The following RBFOX1 variants were observed in gnomAD, a reference collection of about 807,000 sequenced individuals.
RBFOX1 encodes RNA binding fox-1 homolog 1.
RBFOX1 carries 8 observed loss-of-function variants against 57.7 expected under a neutral mutation model. The ratio of observed to expected loss-of-function variants is 0.14; its 90% confidence interval spans 0.08 to 0.25. The LOEUF is 0.25. Ranked by LOEUF, RBFOX1 falls within the 10% of genes least tolerant of loss-of-function variation. The probability of loss-of-function intolerance (pLI) is 1.00; values close to 1 mark genes in which losing one functional copy is unlikely to be tolerated. For missense variants in RBFOX1, 611 were observed against 548.5 expected (o/e 1.11, Z -1.14); for synonymous variants, 326 against 222.4 (o/e 1.47, Z -4.15).
intron 2 of RBFOX1, among the ~76,000 whole-genome samples, chr16:6,514,781 A>G (rs2096338359): frequency 6.6e-6 from 1 of 151,984 alleles, no homozygotes; most frequent in Non-Finnish European, 1.5e-5. Flanking sequence ...GGAGGAGAAA[A>G]AAGTGATGGA....
intron 3 of RBFOX1, among the ~76,000 whole-genome samples, chr16:6,908,253 G>T (rs1471801466): frequency 6.6e-6 from 1 of 151,626 alleles, no homozygotes; most frequent in Non-Finnish European, 1.5e-5. Flanking sequence ...CTCTCCTCCA[G>T]CCTTTCGGGT....
At chr16:6,927,142 GGTCCCCACCCTCA>G in intron 3 of RBFOX1, among the ~76,000 whole-genome samples, 1 of 151,840 alleles carries the variant, frequency 6.6e-6, no homozygotes, top group South Asian at 2.1e-4. Flanking sequence ...AGACTTAGAG[GGTCCCCACCCTCA>G]GAAGTTCTGA....
chr16:7,544,849 C>G (rs2083976617), intron 5 of RBFOX1, among the ~76,000 whole-genome samples: 1 of 151,884 alleles, frequency 6.6e-6, no homozygotes, highest in Non-Finnish European at 1.5e-5. Context: ...TAGTAATTTT[C>G]TTTGTTTGCT....
rs532776194 is a variant in RBFOX1 at position 7,008,573 on chromosome 16, A to G, written c.-15-43484A>G. ...AGTAGAATTCAGTGAACAAGAGTAAATAATTCAAGAAATTCAAGGTTGATA... is the reference window on the plus strand; with the variant it reads ...AGTAGAATTCAGTGAACAAGAGTAAGTAATTCAAGAAATTCAAGGTTGATA... On this transcript the variant is annotated intron_variant, in intron 3 of 15. Transcript: ENST00000550418. Among the ~76,000 whole-genome samples the G allele has an allele frequency of 5.3e-5, 8 of 151,926 alleles. No homozygotes were observed. The East Asian group carries it at 1.4e-3, about 26-fold the overall frequency.
At chr16:6,569,399 C>T (rs2097312887) in intron 2 of RBFOX1, among the ~76,000 whole-genome samples, 1 of 152,114 alleles carries the variant, frequency 6.6e-6, no homozygotes, top group Non-Finnish European at 1.5e-5. Context: ...AGAATGTTTG[C>T]CAGACTAAGG....
intron 1 of RBFOX1, among the ~76,000 whole-genome samples, chr16:5,434,345 A>T (rs187312372): frequency 6.1e-5 from 2 of 32,882 alleles, no homozygotes; most frequent in African/African-American, 1.2e-4. Context: ...TTTTTGAGGC[A>T]GGGTCTTACT....
chr16:6,945,738 C>A (rs902178891), intron 3 of RBFOX1, among the ~76,000 whole-genome samples: 1 of 152,052 alleles, frequency 6.6e-6, no homozygotes, highest in African/African-American at 2.4e-5. Flanking sequence ...TAAAAATATA[C>A]AAATTAGCTG....
rs184758804 is a variant in RBFOX1, at chr16:5,509,692, G to C, written c.258+42438G>C. ...TTGGAGCGGCAAGAGCGGGTGCCAG[G>C]AGAGCTGATGGAGGAGGGAGAGCTT... On this transcript the variant is annotated intron_variant, in intron 2 of 2. Transcript: ENST00000585867. Among the ~76,000 whole-genome samples the C allele has an allele frequency of 7.9e-5, 12 of 152,322 alleles. No homozygotes were observed. The East Asian group carries it at 2.1e-3, about 27-fold the overall frequency.
At chr16:6,764,046 C>T (rs1157361638) in intron 3 of RBFOX1, among the ~76,000 whole-genome samples, 1 of 152,168 alleles carries the variant, frequency 6.6e-6, no homozygotes, top group African/African-American at 2.4e-5. Flanking sequence ...GGATGATAAA[C>T]TGTACTTGGG....
intron 1 of RBFOX1, among the ~76,000 whole-genome samples, chr16:5,415,527 T>C (rs572259223): frequency 2.1e-4 from 32 of 152,326 alleles, no homozygotes; most frequent in African/African-American, 6.3e-4. Flanking sequence ...CTCCAGGACC[T>C]GCTCTCCTCA....
intron 3 of RBFOX1, among the ~76,000 whole-genome samples, chr16:7,033,239 G>T (rs1047836083): frequency 2.0e-5 from 3 of 152,194 alleles, no homozygotes; most frequent in Non-Finnish European, 2.9e-5. Flanking sequence ...CCAAAAACAG[G>T]ACGGGCACAG....
At chr16:6,815,579 C>G (rs1020348832) in intron 3 of RBFOX1, among the ~76,000 whole-genome samples, 1 of 152,134 alleles carries the variant, frequency 6.6e-6, no homozygotes, top group African/African-American at 2.4e-5. Flanking sequence ...TCATTTAATC[C>G]TCCCGTCATT....
chr16:5,820,926 GT>G (rs1555536251), intron 3 of RBFOX1, among the ~76,000 whole-genome samples: 4 of 152,124 alleles, frequency 2.6e-5, no homozygotes, highest in Non-Finnish European at 5.9e-5. Flanking sequence ...AATGCCACAC[GT>G]TTAAGGGGAT....
intron 1 of RBFOX1, among the ~76,000 whole-genome samples, chr16:5,457,018 G>A (rs1173195808): frequency 6.6e-6 from 1 of 152,198 alleles, no homozygotes; most frequent in East Asian, 1.9e-4. Flanking sequence ...CTAAAGGCTG[G>A]GAATTCCAAG....
intron 2 of RBFOX1, among the ~76,000 whole-genome samples, chr16:6,384,730 G>A (rs1299508348): frequency 2.6e-5 from 4 of 152,224 alleles, no homozygotes; most frequent in Non-Finnish European, 4.4e-5. Flanking sequence ...CTCAGAGTGT[G>A]TGTGGATGTG....
chr16:7,562,902 G>A (rs778852363), intron 5 of RBFOX1, among the ~76,000 whole-genome samples: 1 of 152,194 alleles, frequency 6.6e-6, no homozygotes. Context: ...GATTTTGGAA[G>A]CTTTAAAGTG....
At chr16:6,014,702 G>A (rs544020511), upstream of RBFOX1, among the ~76,000 whole-genome samples, 1 of 152,252 alleles carries the variant, frequency 6.6e-6, no homozygotes, top group East Asian at 1.9e-4. Flanking sequence ...GAACTTGTGG[G>A]CAAAGTAGGT....
chr16:5,603,584 C>A (rs2047440814), downstream of RBFOX1, among the ~76,000 whole-genome samples: 1 of 152,196 alleles, frequency 6.6e-6, no homozygotes, highest in African/African-American at 2.4e-5. Context: ...TGTGCAAGTC[C>A]TGTTGGAGAC....
chr16:7,693,850 C>T (rs934160476), intron 14 of RBFOX1, among the ~76,000 whole-genome samples: 1 of 152,138 alleles, frequency 6.6e-6, no homozygotes, highest in African/African-American at 2.4e-5. Flanking sequence ...TTATCTCTGT[C>T]TTATAAGAAG....
Sources: gnomAD v4.1 joint callset for allele counts (sites outside exome capture counted in the v4.1 genomes callset) on GRCh38, gnomAD v4.1.1 for gene constraint, MANE v1.5 for transcripts, NCBI Gene and HGNC (gene_info 2026-07-23, HGNC 2026-07-21) for gene names.